ZFHX3: variants seen among roughly 807,000 people sequenced by gnomAD.
The protein encoded by ZFHX3 is zinc finger homeobox 3.
A neutral mutation model predicts 279.1 loss-of-function variants in ZFHX3; 42 were observed. The observed-to-expected ratio is 0.15, with a 90% confidence interval of 0.12 to 0.19. The LOEUF (loss-of-function observed/expected upper bound fraction) is 0.19, where lower values mean the gene tolerates loss of function less well. ZFHX3 is among the 10% of genes least tolerant of loss of function. The probability of loss-of-function intolerance (pLI) is 1.00; values close to 1 mark genes in which losing one functional copy is unlikely to be tolerated. For synonymous variants in ZFHX3, 2,293 were observed against 1,957.8 expected, an observed-to-expected ratio of 1.17 and a Z score of -4.52; for missense variants, 4,981 against 4,754.0, an observed-to-expected ratio of 1.05 and a Z score of -1.40.
chr16:73,532,272 AAG>A (rs1464859624), intron 2 of ZFHX3, among the ~76,000 whole-genome samples: 1 of 152,078 alleles, frequency 6.6e-6, no homozygotes, highest in African/African-American at 2.4e-5. Context: ...TGTAGTGAAT[AAG>A]TCTCATGAGA....
intron 1 of ZFHX3, among the ~76,000 whole-genome samples, chr16:73,816,740 G>A (rs563953637): frequency 6.6e-6 from 1 of 152,286 alleles, no homozygotes; most frequent in East Asian, 1.9e-4. Flanking sequence ...AATGGATTCA[G>A]AACTGGTCAC....
At chr16:73,390,161 G>A (rs77855768) in intron 3 of ZFHX3, among the ~76,000 whole-genome samples, 2,528 of 151,960 alleles carry the variant, frequency 0.017, 75 homozygotes, top group African/African-American at 0.058. Context: ...AAAATAACCC[G>A]TCCCTCTACC....
chr16:73,781,782 T>A (rs939055056), intron 1 of ZFHX3, among the ~76,000 whole-genome samples: 4 of 151,838 alleles, frequency 2.6e-5, no homozygotes, highest in Non-Finnish European at 4.4e-5. Flanking sequence ...AGGTCAGGAG[T>A]TTGAGACCAG....
chr16:73,671,220 C>T (rs189455323), intron 2 of ZFHX3, among the ~76,000 whole-genome samples: 1 of 152,328 alleles, frequency 6.6e-6, no homozygotes, highest in East Asian at 1.9e-4. Flanking sequence ...TGTTATTGAC[C>T]AGGATTAACC....
At chr16:73,133,453 CA>C (rs368771056) in intron 6 of ZFHX3, among the ~76,000 whole-genome samples, 117 of 145,890 alleles carry the variant, frequency 8.0e-4, no homozygotes, top group Middle Eastern at 7.0e-3. Flanking sequence ...GACTCTGTCT[CA>C]AAAAAAAAAG....
At chr16:73,301,125 A>T (rs968518243) in intron 4 of ZFHX3, among the ~76,000 whole-genome samples, 23 of 152,228 alleles carry the variant, frequency 1.5e-4, no homozygotes, top group African/African-American at 5.5e-4. Context: ...TGTGTATCAG[A>T]GTCCTTTGGA....
At chr16:72,880,429 C>T (rs11075947) in intron 4 of ZFHX3, among the ~76,000 whole-genome samples, 50,299 of 151,810 alleles carry the variant, frequency 0.33, 9,232 homozygotes, top group South Asian at 0.48. Context: ...TCTGGTATGT[C>T]CTAATCATAC....
intron 2 of ZFHX3, among the ~76,000 whole-genome samples, chr16:73,659,109 A>G (rs1000395207): frequency 6.6e-6 from 1 of 152,188 alleles, no homozygotes; most frequent in Admixed American, 6.5e-5. Flanking sequence ...TTGCTGAGAA[A>G]ATCTACCGAA....
At chr16:73,003,188 T>C (rs1234350370) in intron 1 of ZFHX3, among the ~76,000 whole-genome samples, 1 of 152,158 alleles carries the variant, frequency 6.6e-6, no homozygotes, top group Non-Finnish European at 1.5e-5. Flanking sequence ...ATTATAAATG[T>C]CTGTTATAAG....
At position 72,882,977 on chromosome 16, in the gene ZFHX3, G is replaced by GGTGTGTGTGT. The variant is rs56328056; in HGVS notation, c.3448+6744_3448+6753dup. Among the ~76,000 whole-genome samples, 138 of 65,430 alleles carry GGTGTGTGTGT rather than the reference G, an allele frequency of 2.1e-3. 3 individuals are homozygous for GGTGTGTGTGT. Among genetic ancestry groups the GGTGTGTGTGT allele is most frequent in the East Asian group, 4.0e-3 (8 of 2,014 alleles). 42.9% of individuals were successfully genotyped at this position (65,430 alleles called of 152,430 possible). ...ATTTTTGGCCTTCACACCACTCTGG[G>GGTGTGTGTGT]GTGTGTGTGTGTGTGTGTGTGTGTG... On this transcript the variant is annotated intron_variant, in intron 4 of 9. Coordinates refer to ENST00000268489, the MANE Select transcript of ZFHX3 (RefSeq NM_006885.4).
intron 4 of ZFHX3, among the ~76,000 whole-genome samples, chr16:73,285,515 G>T (rs909000954): frequency 1.3e-5 from 2 of 152,248 alleles, no homozygotes; most frequent in African/African-American, 4.8e-5. Flanking sequence ...TGTGGGGTGT[G>T]TCAGGACGGG....
intron 3 of ZFHX3, among the ~76,000 whole-genome samples, chr16:72,944,027 AAACT>A (rs1275414150): frequency 2.6e-5 from 4 of 152,244 alleles, no homozygotes; most frequent in Admixed American, 2.0e-4. Flanking sequence ...TGAATAAAAC[AAACT>A]GACACTTTGG....
intron 7 of ZFHX3, among the ~76,000 whole-genome samples, chr16:73,105,193 G>A (rs2144791590): frequency 6.6e-6 from 1 of 151,010 alleles, no homozygotes; most frequent in South Asian, 2.1e-4. Flanking sequence ...ACGGCTTGAG[G>A]CCAAGAGCTC....
chr16:73,122,350 T>C (rs1005865976), intron 7 of ZFHX3, among the ~76,000 whole-genome samples: 3 of 151,140 alleles, frequency 2.0e-5, no homozygotes, highest in Non-Finnish European at 4.4e-5. Context: ...GAACTACAGG[T>C]GCATGCCAGG....
At chr16:73,052,834 C>T (rs752731745), upstream of ZFHX3, among the ~76,000 whole-genome samples, 1 of 152,154 alleles carries the variant, frequency 6.6e-6, no homozygotes, top group Non-Finnish European at 1.5e-5. Flanking sequence ...CATCTAAAGG[C>T]GATGCGTACA....
At chr16:72,968,059 A>C (rs867575320) in intron 1 of ZFHX3, among the ~76,000 whole-genome samples, 4 of 152,016 alleles carry the variant, frequency 2.6e-5, no homozygotes, top group South Asian at 2.1e-4. Flanking sequence ...AACCTGGCAG[A>C]CACCACCTTC....
chr16:73,841,195 A>G (rs574238195), intron 1 of ZFHX3, among the ~76,000 whole-genome samples: 2 of 152,218 alleles, frequency 1.3e-5, no homozygotes, highest in Non-Finnish European at 2.9e-5. Context: ...CCCATGGCAG[A>G]GTCAAATTGG....
chr16:73,709,794 T>C (rs2053340535), intron 1 of ZFHX3, among the ~76,000 whole-genome samples: 1 of 151,774 alleles, frequency 6.6e-6, no homozygotes, highest in Non-Finnish European at 1.5e-5. Flanking sequence ...CACGAAAAAA[T>C]GGTAAGTATG....
chr16:73,837,072 C>G (rs550828777), intron 1 of ZFHX3, among the ~76,000 whole-genome samples: 1 of 152,130 alleles, frequency 6.6e-6, no homozygotes, highest in Non-Finnish European at 1.5e-5. Flanking sequence ...TAGAAATTAC[C>G]TAGTCTCTGG....
Sources: gnomAD v4.1 joint callset for allele counts (sites outside exome capture counted in the v4.1 genomes callset) on GRCh38, gnomAD v4.1.1 for gene constraint, MANE v1.5 for transcripts, NCBI Gene and HGNC (gene_info 2026-07-23, HGNC 2026-07-21) for gene names.